THSD7B: variants seen among roughly 807,000 people sequenced by gnomAD.
The protein encoded by THSD7B is thrombospondin type-1 domain-containing protein 7B.
Under a neutral mutation model 213.6 loss-of-function variants are expected in THSD7B, and 138 were observed. That is an observed-to-expected ratio of 0.65 (90% CI 0.56 to 0.74). The LOEUF (loss-of-function observed/expected upper bound fraction) is 0.74. THSD7B is among the 30% of genes least tolerant of loss of function. The pLI is 0.00. For synonymous variants in THSD7B, 742 were observed against 687.0 expected, an observed-to-expected ratio of 1.08 and a Z score of -1.25; for missense variants, 1,931 against 1,991.5, an observed-to-expected ratio of 0.97 and a Z score of 0.58.
At chr2:137,056,102 T>C (rs2104876285) in intron 2 of THSD7B, among the ~76,000 whole-genome samples, 1 of 152,338 alleles carries the variant, frequency 6.6e-6, no homozygotes. Flanking sequence ...TTGTATTGTC[T>C]ACTTGACACA....
chr2:137,218,967 T>C (rs1681307708), intron 7 of THSD7B, among the ~76,000 whole-genome samples: 1 of 124,718 alleles, frequency 8.0e-6, no homozygotes, highest in Admixed American at 8.0e-5. Flanking sequence ...ATACTTTTTT[T>C]TCAACTGAGT....
At chr2:137,654,027 C>T (rs1250004919) in intron 21 of THSD7B, among the ~76,000 whole-genome samples, 1 of 151,898 alleles carries the variant, frequency 6.6e-6, no homozygotes, top group Non-Finnish European at 1.5e-5. Context: ...TAATTCCAGG[C>T]TTGTCAGTGT....
intron 2 of THSD7B, among the ~76,000 whole-genome samples, chr2:137,005,999 C>A (rs773861126): frequency 1.3e-5 from 2 of 152,098 alleles, no homozygotes; most frequent in Non-Finnish European, 2.9e-5. Context: ...CAACTAATGA[C>A]AAGGCTGAAT....
intron 15 of THSD7B, among the ~76,000 whole-genome samples, chr2:137,532,955 A>G (rs1291982498): frequency 6.6e-6 from 1 of 151,292 alleles, no homozygotes; most frequent in Non-Finnish European, 1.5e-5. Flanking sequence ...TATATACCAT[A>G]CATTTATGTA....
At chr2:137,089,445 C>T (rs1024639682) in intron 3 of THSD7B, among the ~76,000 whole-genome samples, 3 of 148,622 alleles carry the variant, frequency 2.0e-5, no homozygotes, top group Middle Eastern at 3.5e-3. Flanking sequence ...TATATATGTG[C>T]GTGTGTGTGT....
chr2:137,582,681 A>T lies in THSD7B; in HGVS notation c.3423+10125A>T, dbSNP rs2105248038. Among the ~76,000 whole-genome samples the T allele has an allele frequency of 1.3e-5, 2 of 151,926 alleles. 1 individual carries two copies. The highest frequency in any genetic ancestry group is 1.3e-4 in the Admixed American group (2 of 15,250). Reference sequence around the variant, plus strand: ...AAAGGACATGAACTCATCCTTTTTTATGTCTGCATAGCATTCCATGGTGTA... The same window carrying T: ...AAAGGACATGAACTCATCCTTTTTTTTGTCTGCATAGCATTCCATGGTGTA... On this transcript the variant is annotated intron_variant, in intron 17 of 27. Coordinates refer to ENST00000409968, the MANE Select transcript of THSD7B (RefSeq NM_001316349.2).
intron 7 of THSD7B, among the ~76,000 whole-genome samples, chr2:137,224,600 A>C (rs1031615956): frequency 3.3e-5 from 5 of 152,212 alleles, no homozygotes; most frequent in African/African-American, 1.2e-4. Context: ...TAAATAAGCT[A>C]ATACTTGTAG....
chr2:137,530,706 T>G (rs1680380893), intron 15 of THSD7B, among the ~76,000 whole-genome samples: 1 of 151,862 alleles, frequency 6.6e-6, no homozygotes, highest in Non-Finnish European at 1.5e-5. Flanking sequence ...CTCAGGGGCT[T>G]GAATGCCGAA....
intron 2 of THSD7B, among the ~76,000 whole-genome samples, chr2:136,908,934 A>G (rs1684214319): frequency 6.6e-6 from 1 of 152,176 alleles, no homozygotes. Context: ...TAATCCCAGC[A>G]TTTTGGGAGG....
At chr2:137,573,036 C>A (rs1447791957) in intron 17 of THSD7B, among the ~76,000 whole-genome samples, 3 of 150,520 alleles carry the variant, frequency 2.0e-5, no homozygotes, top group African/African-American at 7.3e-5. Context: ...CATGTTTCTA[C>A]TTCTTCCAAA....
intron 17 of THSD7B, among the ~76,000 whole-genome samples, chr2:137,602,423 C>G (rs1030761101): frequency 1.3e-5 from 2 of 152,082 alleles, no homozygotes; most frequent in Admixed American, 6.5e-5. Flanking sequence ...GCACGCATCA[C>G]CACGCCCAGC....
At chr2:137,035,630 A>C (rs1448775568) in intron 2 of THSD7B, among the ~76,000 whole-genome samples, 2 of 152,054 alleles carry the variant, frequency 1.3e-5, no homozygotes, top group African/African-American at 4.8e-5. Context: ...TAGGTGGTAG[A>C]ATGAATGAAT....
chr2:137,190,255 T>C (rs570438386), intron 7 of THSD7B, among the ~76,000 whole-genome samples: 46 of 152,320 alleles, frequency 3.0e-4, no homozygotes, highest in African/African-American at 1.1e-3. Context: ...CATGAGACAA[T>C]GTATATGCCA....
At chr2:137,012,270 A>G (rs1432242) in intron 2 of THSD7B, among the ~76,000 whole-genome samples, 136,722 of 152,224 alleles carry the variant, frequency 0.9, 61,856 homozygotes, top group East Asian at 1. Context: ...TCAGTCTAGG[A>G]TGATCCAGAG....
At chr2:137,248,613 A>G (rs374822896) in intron 10 of THSD7B, among the ~76,000 whole-genome samples, 1 of 152,238 alleles carries the variant, frequency 6.6e-6, no homozygotes, top group East Asian at 1.9e-4. Flanking sequence ...TCAAATACAT[A>G]CAAGCACTAA....
At chr2:137,631,123 T>C (rs1463252647) in intron 20 of THSD7B, among the ~76,000 whole-genome samples, 1 of 152,194 alleles carries the variant, frequency 6.6e-6, no homozygotes, top group East Asian at 1.9e-4. Context: ...TACTTTCTAA[T>C]TGTGTTAAAG....
At chr2:137,486,867 A>G (rs372527735) in intron 15 of THSD7B, among the ~76,000 whole-genome samples, 2,366 of 152,228 alleles carry the variant, frequency 0.016, 59 homozygotes, top group African/African-American at 0.053. Flanking sequence ...CTACATGGAA[A>G]CTGAACAACC....
At chr2:136,789,220 C>G (rs1038218686) in intron 1 of THSD7B, among the ~76,000 whole-genome samples, 2 of 151,838 alleles carry the variant, frequency 1.3e-5, no homozygotes, top group African/African-American at 4.8e-5. Context: ...CCATTTCTTT[C>G]TATGTTTCTG....
At chr2:136,941,317 C>G (rs185259794) in intron 2 of THSD7B, among the ~76,000 whole-genome samples, 1 of 152,106 alleles carries the variant, frequency 6.6e-6, no homozygotes, top group African/African-American at 2.4e-5. Flanking sequence ...AGTAAGCATA[C>G]GTGTTCATGT....
Sources: gnomAD v4.1 joint callset for allele counts (sites outside exome capture counted in the v4.1 genomes callset) on GRCh38, gnomAD v4.1.1 for gene constraint, MANE v1.5 for transcripts, NCBI Gene and HGNC (gene_info 2026-07-23, HGNC 2026-07-21) for gene names.